USH2A: variants seen among roughly 807,000 people sequenced by gnomAD.
USH2A encodes usherin.
USH2A carries 443 observed loss-of-function variants against 538.9 expected under a neutral mutation model. The ratio of observed to expected loss-of-function variants is 0.82; its 90% confidence interval spans 0.76 to 0.89. USH2A has a LOEUF of 0.89. Ranked by LOEUF, USH2A falls within the 40% of genes least tolerant of loss-of-function variation. The pLI, the probability that USH2A is intolerant of heterozygous loss-of-function variation, is 0.00. For missense variants in USH2A, 6,633 were observed against 6,324.8 expected (o/e 1.05, Z -1.65); for synonymous variants, 2,413 against 2,273.5 (o/e 1.06, Z -1.75).
intron 13 of USH2A, among the ~76,000 whole-genome samples, chr1:216,246,039 G>C (rs2036037382): frequency 6.6e-6 from 1 of 152,118 alleles, no homozygotes; most frequent in Non-Finnish European, 1.5e-5. Flanking sequence ...CTCCCAATTG[G>C]GAAAGAGATG....
chr1:215,885,530 A>C (rs1007803743), intron 41 of USH2A, among the ~76,000 whole-genome samples: 6 of 152,210 alleles, frequency 3.9e-5, no homozygotes, highest in Admixed American at 3.9e-4. Flanking sequence ...ATAAAAGTGC[A>C]TGGCTTTCAC....
At chr1:216,276,835 C>T (rs2036679208) in intron 11 of USH2A, among the ~76,000 whole-genome samples, 1 of 152,078 alleles carries the variant, frequency 6.6e-6, no homozygotes, top group African/African-American at 2.4e-5. Flanking sequence ...CAGGAAAGAC[C>T]TGCCCCCATG....
intron 9 of USH2A, among the ~76,000 whole-genome samples, chr1:216,315,685 G>C (rs968963809): frequency 1.3e-5 from 2 of 152,068 alleles, no homozygotes; most frequent in African/African-American, 4.8e-5. Flanking sequence ...TACACAAATT[G>C]TCTTTATATT....
intron 33 of USH2A, 115 bp downstream of exon 33, chr1:216,000,288 T>G (rs1192520755): frequency 7.1e-7 from 1 of 1,406,986 alleles, no homozygotes. Context: ...AACTAATCAC[T>G]TCTATGCATT....
chr1:216,387,264 A>G (rs1277865737), intron 3 of USH2A, among the ~76,000 whole-genome samples: 1 of 152,234 alleles, frequency 6.6e-6, no homozygotes, highest in African/African-American at 2.4e-5. Context: ...TGCAATGCCT[A>G]AATCTGTTTT....
intron 21 of USH2A, among the ~76,000 whole-genome samples, chr1:216,116,791 CA>C (rs1190768102): frequency 6.6e-6 from 1 of 151,438 alleles, no homozygotes. Flanking sequence ...AAGGGAATAA[CA>C]AAATGAAGGT....
At position 215,728,394 on chromosome 1, in the gene USH2A, A is replaced by G. The variant is rs757787112; in HGVS notation, c.11712-10T>C. The G allele has an allele frequency of 6.2e-7, 1 of 1,613,600 alleles. No individual in the cohort carries two copies. Among genetic ancestry groups the G allele is most frequent in the Non-Finnish European group, 8.5e-7 (1 of 1,179,794 alleles). On this transcript the variant is annotated splice_polypyrimidine_tract_variant and intron_variant, in intron 60 of 71. Transcript: ENST00000307340. The stretch of plus-strand genomic sequence containing the variant: ...AATGCCAGCAGGGCGTCTGAAAGGA[A>G]ACCAAGCAGGCAACCAGTGACAGCT...
chr1:216,177,919 C>T (rs180960400), intron 20 of USH2A, among the ~76,000 whole-genome samples: 1 of 152,140 alleles, frequency 6.6e-6, no homozygotes, highest in Non-Finnish European at 1.5e-5. Context: ...TTATTAAGGG[C>T]CCAAACTACA....
chr1:215,914,258 G>T (rs1053634295), intron 38 of USH2A, among the ~76,000 whole-genome samples: 5 of 151,730 alleles, frequency 3.3e-5, no homozygotes, highest in Admixed American at 2.6e-4. Flanking sequence ...AAACAGAAAA[G>T]AAATGTCATG....
chr1:215,762,426 C>T (rs1661005667), intron 56 of USH2A, among the ~76,000 whole-genome samples: 1 of 152,004 alleles, frequency 6.6e-6, no homozygotes. Flanking sequence ...TAAAATGAAA[C>T]ATAATTTTGG....
intron 40 of USH2A, among the ~76,000 whole-genome samples, chr1:215,895,700 T>A (rs1665319649): frequency 6.6e-6 from 1 of 152,114 alleles, no homozygotes; most frequent in African/African-American, 2.4e-5. Flanking sequence ...TGTGAAAAAA[T>A]AACAAGATGT....
chr1:216,173,282 C>A (rs1262114530), intron 21 of USH2A, among the ~76,000 whole-genome samples: 1 of 152,078 alleles, frequency 6.6e-6, no homozygotes, highest in Non-Finnish European at 1.5e-5. Context: ...GCCAAAGGAT[C>A]AAACCAATAA....
At chr1:216,173,216 T>C (rs571083358) in intron 21 of USH2A, among the ~76,000 whole-genome samples, 1 of 152,180 alleles carries the variant, frequency 6.6e-6, no homozygotes, top group Non-Finnish European at 1.5e-5. Context: ...ATTGGGTACA[T>C]TTAGTTAGGC....
intron 35 of USH2A, among the ~76,000 whole-genome samples, chr1:215,972,978 A>G (rs148218994): frequency 2.6e-5 from 4 of 152,328 alleles, no homozygotes; most frequent in African/African-American, 9.6e-5. Flanking sequence ...CCTATAATAC[A>G]TAGAAAATTT....
chr1:216,048,775 C>G, intron 30 of USH2A, 128 bp from the exon 31 acceptor site: 1 of 822,444 alleles, frequency 1.2e-6, no homozygotes, highest in Non-Finnish European at 2.1e-6. Context: ...AGACAGAAAT[C>G]AAAAACATAT....
intron 32 of USH2A, among the ~76,000 whole-genome samples, chr1:216,032,650 CAG>C (rs1444463852): frequency 6.6e-6 from 1 of 152,058 alleles, no homozygotes; most frequent in Non-Finnish European, 1.5e-5. Flanking sequence ...CAATTTAAAG[CAG>C]AGTGTTTTCT....
At chr1:215,837,786 G>C (rs11120658) in intron 47 of USH2A, among the ~76,000 whole-genome samples, 1 of 152,120 alleles carries the variant, frequency 6.6e-6, no homozygotes, top group African/African-American at 2.4e-5. Context: ...TCTGAGGCTG[G>C]GCAATCAGGG....
At chr1:216,344,994 TC>T (rs1400128274) in intron 4 of USH2A, among the ~76,000 whole-genome samples, 1 of 151,694 alleles carries the variant, frequency 6.6e-6, no homozygotes, top group Non-Finnish European at 1.5e-5. Context: ...GGGAGCTTTT[TC>T]CTCCCAAAAG....
chr1:216,047,615 C>T (rs1249380321), intron 31 of USH2A, among the ~76,000 whole-genome samples: 2 of 152,074 alleles, frequency 1.3e-5, no homozygotes, highest in African/African-American at 2.4e-5. Context: ...TCCATGTCTT[C>T]CTTTCTGTTA....
Sources: allele counts gnomAD v4.1 joint callset (sites outside exome capture counted in the v4.1 genomes callset), GRCh38; gene constraint gnomAD v4.1.1; transcripts MANE v1.5; gene names NCBI Gene and HGNC (gene_info 2026-07-23, HGNC 2026-07-21).